FLRT2: variants seen among roughly 807,000 people sequenced by gnomAD.
The protein encoded by FLRT2 is leucine-rich repeat transmembrane protein FLRT2.
FLRT2 carries 15 observed loss-of-function variants against 40.0 expected under a neutral mutation model. The ratio of observed to expected loss-of-function variants is 0.38; its 90% CI spans 0.25 to 0.58. The LOEUF is 0.58. FLRT2 is among the 20% of genes least tolerant of loss of function. The probability of loss-of-function intolerance (pLI) is 0.71; values close to 1 mark genes in which losing one functional copy is unlikely to be tolerated. For synonymous variants in FLRT2, 380 were observed against 336.8 expected (o/e 1.13, Z -1.41); for missense variants, 726 against 840.0 (o/e 0.86, Z 1.68).
chr14:85,619,171 C>T (rs894443450), intron 1 of FLRT2, among the ~76,000 whole-genome samples: 19 of 151,734 alleles, frequency 1.3e-4, no homozygotes, highest in African/African-American at 4.6e-4. Context: ...CTCACCTCCG[C>T]CTCCCAGGCT....
intron 1 of FLRT2, among the ~76,000 whole-genome samples, chr14:85,563,686 G>A (rs1890478185): frequency 6.6e-6 from 1 of 152,150 alleles, no homozygotes; most frequent in South Asian, 2.1e-4. Context: ...CTTCTCCAAT[G>A]TGGGGATTAC....
intron 1 of FLRT2, among the ~76,000 whole-genome samples, chr14:85,574,074 T>C (rs2139865323): frequency 6.6e-6 from 1 of 152,094 alleles, no homozygotes; most frequent in East Asian, 1.9e-4. Context: ...ATTTTCAGAG[T>C]TCTTCCCAGG....
Position 85,623,073 on chromosome 14 carries a change from A to G in FLRT2, c.1559A>G (p.Asn520Ser). Residue 520 changes from asparagine (N) to serine (S), a missense_variant, in exon 2 of 2, where the codon AAC (asparagine) becomes AGC (serine). This residue lies in a region of FLRT2 where 611 missense variants were observed against 690.0 expected (regional missense o/e 0.89). Transcript: ENST00000330753. ...SEATTHASYL[N>S]NGSNTASSHE... Reference sequence around the variant, plus strand: ...GCCACCACCCATGCCTCCTATCTGAACAACGGCAGCAACACAGCGTCCAGC... The same window carrying G: ...GCCACCACCCATGCCTCCTATCTGAGCAACGGCAGCAACACAGCGTCCAGC... The G allele has an allele frequency of 6.2e-7, 1 of 1,614,160 alleles. No individual in the cohort carries two copies. Among genetic ancestry groups the G allele is most frequent in the Admixed American group, 1.7e-5 (1 of 60,028 alleles).
At chr14:85,585,372 T>C (rs1202220884) in intron 1 of FLRT2, among the ~76,000 whole-genome samples, 1 of 152,192 alleles carries the variant, frequency 6.6e-6, no homozygotes, top group Non-Finnish European at 1.5e-5. Context: ...ATTTATATTG[T>C]CACTGCGTTC....
chr14:85,539,379 TA>T (rs11348842), intron 1 of FLRT2, among the ~76,000 whole-genome samples: 133,128 of 151,860 alleles, frequency 0.88, 59,060 homozygotes, highest in Non-Finnish European at 0.94. Context: ...GTTGGAACAG[TA>T]AAAAAAAATC....
chr14:85,534,885 C>T (rs1178970515), intron 1 of FLRT2, among the ~76,000 whole-genome samples: 4 of 150,106 alleles, frequency 2.7e-5, no homozygotes, highest in African/African-American at 9.8e-5. Context: ...CAAAGCAGCT[C>T]AGCGTTTGCT....
At chr14:85,582,022 A>G (rs1361400585) in intron 1 of FLRT2, among the ~76,000 whole-genome samples, 1 of 152,148 alleles carries the variant, frequency 6.6e-6, no homozygotes, top group Non-Finnish European at 1.5e-5. Context: ...ATCTTTCCAT[A>G]CAGTGAGGGG....
chr14:85,571,655 A>G (rs554191212), intron 1 of FLRT2, among the ~76,000 whole-genome samples: 3 of 152,268 alleles, frequency 2.0e-5, no homozygotes, highest in African/African-American at 7.2e-5. Flanking sequence ...GTGGGTCAGC[A>G]TGGGGACAGA....
Position 85,624,472 on chromosome 14 carries a change from G to A in FLRT2, c.*975G>A, listed in dbSNP as rs183028461. On this transcript the variant is annotated 3_prime_UTR_variant, in exon 2 of 2. Transcript: ENST00000330753. ...GTCAACATGATATTTAGACCAACAG[G>A]TGATCAATGTTTGGAAAATACAACA... The A allele has an allele frequency of 6.0e-6, 1 of 167,140 alleles. No individual in the cohort carries two copies. Among genetic ancestry groups the A allele is most frequent in the East Asian group, 1.9e-4 (1 of 5,188 alleles). The allele number at this position is 167,140 out of a possible 1,614,324, so 10.4% of individuals were successfully genotyped here. A position where few individuals can be genotyped will look rare whatever the true frequency, so the allele number is the denominator to read the frequency against.
chr14:85,576,227 T>C (rs1005604550), intron 1 of FLRT2, among the ~76,000 whole-genome samples: 4 of 152,182 alleles, frequency 2.6e-5, no homozygotes, highest in African/African-American at 9.7e-5. Context: ...TTATCCGGGT[T>C]TCCTTCAGCT....
At chr14:85,533,866 T>C (rs1888464359) in intron 1 of FLRT2, among the ~76,000 whole-genome samples, 1 of 151,608 alleles carries the variant, frequency 6.6e-6, no homozygotes, top group Admixed American at 6.6e-5. Context: ...AGGGCTTGGC[T>C]CCAGCAGCCG....
intron 1 of FLRT2, among the ~76,000 whole-genome samples, chr14:85,560,144 T>C (rs758159155): frequency 2.6e-5 from 4 of 152,218 alleles, no homozygotes; most frequent in Non-Finnish European, 5.9e-5. Flanking sequence ...CTTACATGTC[T>C]CCAACTCCAT....
chr14:85,539,455 C>T (rs1043281705), intron 1 of FLRT2, among the ~76,000 whole-genome samples: 1 of 151,984 alleles, frequency 6.6e-6, no homozygotes, highest in African/African-American at 2.4e-5. Flanking sequence ...GATTAGATGA[C>T]AAGTTTACCT....
At chr14:85,554,438 G>A (rs113483052) in intron 1 of FLRT2, among the ~76,000 whole-genome samples, 1 of 152,152 alleles carries the variant, frequency 6.6e-6, no homozygotes, top group Admixed American at 6.5e-5. Context: ...TATTTTCATT[G>A]TCTTTAAGTG....
intron 1 of FLRT2, among the ~76,000 whole-genome samples, chr14:85,561,529 G>T (rs181431816): frequency 6.6e-6 from 1 of 152,252 alleles, no homozygotes; most frequent in Admixed American, 6.5e-5. Flanking sequence ...CATCTGCTAG[G>T]TTATGAATTG....
At chr14:85,590,093 T>C (rs186327699) in intron 1 of FLRT2, among the ~76,000 whole-genome samples, 6 of 152,056 alleles carry the variant, frequency 3.9e-5, no homozygotes, top group Admixed American at 2.0e-4. Context: ...ATTATAGACC[T>C]TTTGAGCTCT....
At chr14:85,619,899 G>A (rs867582678) in intron 1 of FLRT2, among the ~76,000 whole-genome samples, 27 of 152,298 alleles carry the variant, frequency 1.8e-4, no homozygotes, top group Middle Eastern at 3.4e-3. Context: ...CTGTCATTTC[G>A]AAATTTGCTA....
Position 85,647,452 on chromosome 14 carries a change from T to G in FLRT2, c.*23955T>G, listed in dbSNP as rs1594980602. 1 of 152,268 alleles carries G rather than the reference T, an allele frequency of 6.6e-6. No individual in the cohort carries two copies. Among genetic ancestry groups the G allele is most frequent in the African/African-American group, 2.4e-5 (1 of 41,550 alleles). 9.4% of individuals were successfully genotyped at this position (152,268 alleles called of 1,614,324 possible). ...TTCACCTACGCATCACTCACAATAT[T>G]TAGCTCTCCTTCCACATGATGTTGG... On this transcript the variant is annotated 3_prime_UTR_variant, in exon 2 of 2. Coordinates refer to ENST00000330753, the MANE Select transcript of FLRT2 (RefSeq NM_013231.6).
At chr14:85,585,136 A>C (rs1416037549) in intron 1 of FLRT2, among the ~76,000 whole-genome samples, 1 of 152,032 alleles carries the variant, frequency 6.6e-6, no homozygotes, top group African/African-American at 2.4e-5. Flanking sequence ...CCTGATGACT[A>C]CCTACAAGGT....
Sources: allele counts gnomAD v4.1 joint callset (sites outside exome capture counted in the v4.1 genomes callset), GRCh38; gene constraint gnomAD v4.1.1; regional missense constraint gnomAD v4.1.1; transcripts MANE v1.5; gene names NCBI Gene and HGNC (gene_info 2026-07-23, HGNC 2026-07-21).